The following PDGFD variants were observed in gnomAD, a reference collection of about 807,000 sequenced individuals.
PDGFD encodes platelet derived growth factor D, also known as platelet-derived growth factor D.
In PDGFD, 30 loss-of-function variants were observed where a neutral mutation model predicts 44.7. The observed-to-expected ratio is 0.67, with a 90% CI of 0.50 to 0.91. The LOEUF is 0.91. PDGFD is among the 40% of genes least tolerant of loss of function. The pLI, the probability that PDGFD is intolerant of heterozygous loss-of-function variation, is 0.00. For missense variants in PDGFD, 445 were observed against 457.8 expected (o/e 0.97, Z 0.25); for synonymous variants, 173 against 168.4 (o/e 1.03, Z -0.21).
chr11:103,990,949 C>T (rs1248216483), intron 3 of PDGFD, among the ~76,000 whole-genome samples: 3 of 151,920 alleles, frequency 2.0e-5, no homozygotes, highest in Non-Finnish European at 4.4e-5. Flanking sequence ...ACCATCCTGG[C>T]TAACATGGTG....
At chr11:104,051,285 A>G (rs2134406542) in intron 1 of PDGFD, among the ~76,000 whole-genome samples, 1 of 152,282 alleles carries the variant, frequency 6.6e-6, no homozygotes, top group South Asian at 2.1e-4. Context: ...AATGGTATTG[A>G]CCACAAGGAC....
At chr11:104,146,444 A>G (rs1001910619) in intron 1 of PDGFD, among the ~76,000 whole-genome samples, 10 of 152,164 alleles carry the variant, frequency 6.6e-5, no homozygotes, top group African/African-American at 2.4e-4. Flanking sequence ...CCGCTGCACT[A>G]AATTTTTCAT....
chr11:103,940,676 T>C (rs969225546), intron 5 of PDGFD, among the ~76,000 whole-genome samples: 1 of 152,180 alleles, frequency 6.6e-6, no homozygotes, highest in African/African-American at 2.4e-5. Context: ...GTTTTTGTGA[T>C]ACATGCAGGT....
chr11:104,147,994 G>C (rs957712653), intron 1 of PDGFD, among the ~76,000 whole-genome samples: 1 of 152,122 alleles, frequency 6.6e-6, no homozygotes, highest in African/African-American at 2.4e-5. Flanking sequence ...ATTAAACACA[G>C]TTTTTCCCAT....
rs780989922 is a variant in PDGFD, at chr11:103,926,958, C to T, written c.941G>A (p.Arg314Lys). Residue 314 changes from arginine to lysine, a missense_variant, in exon 6 of 7, where the codon AGG becomes AAG. Transcript: ENST00000393158. ...GNCGCGTVNW[R>K]SCTCNSGKTV... ...TTTCCCTGAATTGCATGTGCAGGAC[C>T]TCCAGTTGACAGTTCCACAGCCACA... 2 of 1,614,180 alleles carry T rather than the reference C, an allele frequency of 1.2e-6. No individual in the cohort carries two copies. Among genetic ancestry groups the T allele is most frequent in the Non-Finnish European group, 8.5e-7 (1 of 1,180,022 alleles).
At chr11:104,106,333 AAAG>A (rs1228000515) in intron 1 of PDGFD, among the ~76,000 whole-genome samples, 8 of 152,318 alleles carry the variant, frequency 5.3e-5, no homozygotes, top group African/African-American at 1.9e-4. Flanking sequence ...TAACAACCAC[AAAG>A]AAGTATAGCC....
chr11:104,157,533 C>A (rs1427414311), intron 1 of PDGFD, among the ~76,000 whole-genome samples: 1 of 152,166 alleles, frequency 6.6e-6, no homozygotes, highest in African/African-American at 2.4e-5. Context: ...ACCTGGAAAT[C>A]TTGGCAAGTG....
At position 103,993,927 on chromosome 11, in the gene PDGFD, C is replaced by CAA. The variant is rs138781306; in HGVS notation, c.510+2136_510+2137dup. 5.5e-5 allele frequency among the ~76,000 whole-genome samples: 8 copies of CAA among 144,972 alleles called. No individual in the cohort carries two copies. The South Asian group carries it at 1.1e-3, about 20-fold the overall frequency. On this transcript the variant is annotated intron_variant, in intron 3 of 6. Coordinates refer to ENST00000393158, the MANE Select transcript of PDGFD (RefSeq NM_025208.5). ...CAAGAATGTTGTAATATCATCATTTCAAAAAAAAAACACAAAATTGAATAT... is the reference window on the plus strand; with the variant it reads ...CAAGAATGTTGTAATATCATCATTTCAAAAAAAAAAAACACAAAATTGAATAT...
intron 1 of PDGFD, among the ~76,000 whole-genome samples, chr11:104,149,570 T>C (rs1240125235): frequency 6.6e-6 from 1 of 152,162 alleles, no homozygotes; most frequent in Non-Finnish European, 1.5e-5. Context: ...ATCACACAGC[T>C]CAAACAAGAA....
chr11:104,046,093 G>A (rs1265813249), intron 1 of PDGFD, among the ~76,000 whole-genome samples: 2 of 147,430 alleles, frequency 1.4e-5, no homozygotes, highest in Non-Finnish European at 3.0e-5. Flanking sequence ...TAATGTGAAG[G>A]AAAGTAAAAT....
At chr11:103,996,795 C>A (rs759676063) in intron 2 of PDGFD, among the ~76,000 whole-genome samples, 5 of 152,090 alleles carry the variant, frequency 3.3e-5, no homozygotes, top group Non-Finnish European at 5.9e-5. Context: ...GGAATGATCA[C>A]GTCATAAAAT....
intron 1 of PDGFD, among the ~76,000 whole-genome samples, chr11:104,121,363 C>T (rs944330471): frequency 2.6e-5 from 4 of 151,680 alleles, no homozygotes; most frequent in African/African-American, 9.7e-5. Flanking sequence ...TACATTTCAC[C>T]GTGCTCAGAA....
intron 1 of PDGFD, among the ~76,000 whole-genome samples, chr11:104,106,418 A>G (rs1861472458): frequency 1.3e-5 from 2 of 152,180 alleles, no homozygotes; most frequent in African/African-American, 4.8e-5. Context: ...CATAACTTCC[A>G]GTGATAGCAA....
chr11:104,050,618 T>G (rs1285824597), intron 1 of PDGFD, among the ~76,000 whole-genome samples: 1 of 152,124 alleles, frequency 6.6e-6, no homozygotes, highest in Non-Finnish European at 1.5e-5. Flanking sequence ...AGTGATAACG[T>G]GTGGGTCTGC....
At chr11:104,096,622 T>C (rs1383979155) in intron 1 of PDGFD, among the ~76,000 whole-genome samples, 1 of 152,192 alleles carries the variant, frequency 6.6e-6, no homozygotes, top group Non-Finnish European at 1.5e-5. Flanking sequence ...ACAATCATTC[T>C]AAGAGTATCT....
At chr11:104,069,821 C>T (rs1347813410) in intron 1 of PDGFD, among the ~76,000 whole-genome samples, 1 of 152,176 alleles carries the variant, frequency 6.6e-6, no homozygotes, top group African/African-American at 2.4e-5. Flanking sequence ...GCTCGTGCCA[C>T]TGCACTCCAG....
intron 1 of PDGFD, among the ~76,000 whole-genome samples, chr11:104,048,739 A>G (rs1196608854): frequency 1.3e-5 from 2 of 152,206 alleles, no homozygotes; most frequent in African/African-American, 4.8e-5. Context: ...TTCTCATTCA[A>G]AAAATAGACA....
chr11:103,940,001 A>G (rs1257824016), intron 5 of PDGFD, among the ~76,000 whole-genome samples: 1 of 152,132 alleles, frequency 6.6e-6, no homozygotes, highest in Non-Finnish European at 1.5e-5. Context: ...AATTTTAAAA[A>G]TGTAGACATT....
intron 3 of PDGFD, among the ~76,000 whole-genome samples, chr11:103,990,787 G>A (rs1407112943): frequency 6.6e-6 from 1 of 152,074 alleles, no homozygotes; most frequent in Non-Finnish European, 1.5e-5. Flanking sequence ...AATACCATGG[G>A]TGTTCCGAAT....
Sources: gnomAD v4.1 joint callset for allele counts (sites outside exome capture counted in the v4.1 genomes callset) on GRCh38, gnomAD v4.1.1 for gene constraint, MANE v1.5 for transcripts, NCBI Gene and HGNC (gene_info 2026-07-23, HGNC 2026-07-21) for gene names.